The following CDH16 variants were observed in gnomAD, a reference collection of about 807,000 sequenced individuals.
The protein encoded by CDH16 is cadherin-16.
CDH16 carries 79 observed loss-of-function variants against 87.6 expected under a neutral mutation model. The ratio of observed to expected loss-of-function variants is 0.90; its 90% CI spans 0.75 to 1.09. The LOEUF (loss-of-function observed/expected upper bound fraction) is 1.09. Ranked by LOEUF, CDH16 falls within the 50% of genes least tolerant of loss-of-function variation. The probability of loss-of-function intolerance (pLI) is 0.00; values close to 1 mark genes in which losing one functional copy is unlikely to be tolerated. For synonymous variants in CDH16, 457 were observed against 439.5 expected, an observed-to-expected ratio of 1.04 and a Z score of -0.50; for missense variants, 1,124 against 1,071.7, an observed-to-expected ratio of 1.05 and a Z score of -0.68.
At position 66,913,566 on chromosome 16, in the gene CDH16, G is replaced by C; in HGVS notation, c.828C>G (p.Pro276=). Residue 276 remains proline (P), a synonymous_variant, in exon 8 of 18, where the codon CCC becomes CCG. Transcript: ENST00000299752. Reference sequence around the variant, plus strand: ...CTGCATTCACTTCAAAGGGTCCCGGGGGATGGCTCTCCAGGTGATAGTGCA... The same window carrying C: ...CTGCATTCACTTCAAAGGGTCCCGGCGGATGGCTCTCCAGGTGATAGTGCA... ...GDVHYHLESH[P]PGPFEVNAEG... is the part of the protein sequence containing the mutation. 6.2e-7 allele frequency: 1 copy of C among 1,614,140 alleles called. No homozygotes were observed.
chr16:66,908,532 G>A (rs369010970), intron 17 of CDH16, 43 bp from the exon 18 acceptor site: 12 of 1,467,642 alleles, frequency 8.2e-6, no homozygotes, highest in African/African-American at 7.0e-5. Flanking sequence ...AGAAGGGGCT[G>A]TGGGACTTGT....
In CDH16 at chr16:66,909,344, C is replaced by A. The variant is rs371696621; in HGVS notation, c.2315G>T (p.Arg772Leu). Residue 772 changes from arginine (R) to leucine (L), a missense_variant, in exon 17 of 18, where the codon CGC becomes CTC. Coordinates refer to ENST00000299752, the MANE Select transcript of CDH16 (RefSeq NM_004062.4). The surrounding 1 kb of genome is among the most constrained non-coding windows in gnomAD (Gnocchi z 4.1). ...CATGCCCTTCATGCGGCCCACCTTG[C>A]GCATGCACTGCCCCTCCACGTTGCA... ...CRCNVEGQCM[R>L]KVGRMKGMPT... 4 of 1,612,198 alleles carry A rather than the reference C, an allele frequency of 2.5e-6. No individual in the cohort carries two copies. The highest frequency in any genetic ancestry group is 1.7e-5 in the Admixed American group (1 of 59,974).
chr16:66,917,277 C>T (rs1337705371), intron 3 of CDH16, among the ~76,000 whole-genome samples: 1 of 151,772 alleles, frequency 6.6e-6, no homozygotes, highest in Non-Finnish European at 1.5e-5. Flanking sequence ...CCAGCCTGGG[C>T]GACAAGAGCG....
At chr16:66,917,796 C>G in intron 2 of CDH16, 71 bp from the exon 3 acceptor site, 2 of 1,350,474 alleles carry the variant, frequency 1.5e-6, no homozygotes, top group Non-Finnish European at 2.1e-6. Flanking sequence ...AACAGAAGAG[C>G]GGAATTTCCG....
chr16:66,910,500 C>T lies in CDH16; in HGVS notation c.1927G>A (p.Glu643Lys). The change falls in exon 15 of 18, where the codon GAG (glutamate) becomes AAG (lysine). Residue 643 changes from glutamate to lysine, a missense_variant and splice_region_variant. Coordinates refer to ENST00000299752, the MANE Select transcript of CDH16 (RefSeq NM_004062.4). The part of the protein sequence containing the change: ...TVLVEAQDTD[E>K]PRLSASAPLV... ...GGTGCAGAAGCGCTCAGTCTCGGCT[C>T]ATCTGCAGAGGAGGCAGTGCTGAGC... 2 of 1,515,724 alleles carry T rather than the reference C, an allele frequency of 1.3e-6. No homozygotes were observed. Among genetic ancestry groups the T allele is most frequent in the Non-Finnish European group, 8.9e-7 (1 of 1,127,328 alleles). 93.9% of individuals were successfully genotyped at this position (1,515,724 alleles called of 1,614,324 possible). A position where few individuals can be genotyped will look rare whatever the true frequency, so the allele number is the denominator to read the frequency against.
At position 66,916,440 on chromosome 16, in the gene CDH16, T is replaced by C; in HGVS notation, c.130-11A>G. ...ACGGGGCAGCGGCAACTGATGGAAA[T>C]GAACAGAAGTGAAGGGAGCGGTGGC... is the stretch of plus-strand genomic sequence containing the variant. On this transcript the variant is annotated splice_polypyrimidine_tract_variant and intron_variant, in intron 3 of 17. Coordinates refer to ENST00000299752, the MANE Select transcript of CDH16 (RefSeq NM_004062.4). This position sits in a 1 kb window ranked among gnomAD's most constrained non-coding sequence, Gnocchi z 4.1. 1 of 1,586,092 alleles carries C rather than the reference T, an allele frequency of 6.3e-7. No homozygotes were observed. The highest frequency in any genetic ancestry group is 8.6e-7 in the Non-Finnish European group (1 of 1,163,818).
At chr16:66,913,403 C>T in intron 8 of CDH16, 88 bp downstream of exon 8, 2 of 1,592,442 alleles carry the variant, frequency 1.3e-6, no homozygotes, top group Non-Finnish European at 1.7e-6. Flanking sequence ...CTGCCTCAGC[C>T]TCTGTTGTAG....
At position 66,908,489 on chromosome 16, in the gene CDH16, C is replaced by T; in HGVS notation, c.2393G>A (p.Gly798Glu). ...GGTGAAAATGAGGATGAGGAAGATT[C>T]CTGTGGGGCCCAAGAGGGATGTATC... is the stretch of plus-strand genomic sequence containing the variant. ...GILVGTLVAI[G>E]IFLILIFTHW... Residue 798 changes from glycine to glutamate, a missense_variant and splice_region_variant, in exon 18 of 18, where the codon GGA becomes GAA. Gly to Glu is a moderately conservative substitution (Grantham distance 98). Transcript: ENST00000299752. 1.2e-6 allele frequency: 2 copies of T among 1,613,196 alleles called. No homozygotes were observed. The highest frequency in any genetic ancestry group is 1.7e-6 in the Non-Finnish European group (2 of 1,179,196).
In CDH16 at chr16:66,909,264, T is replaced by A; in HGVS notation, c.2392+3A>T. On this transcript the variant is annotated splice_donor_region_variant and intron_variant, in intron 17 of 17. Transcript: ENST00000299752. This position sits in a 1 kb window ranked among gnomAD's most constrained non-coding sequence, Gnocchi z 4.1. ...CACGCAGGTAATGTCCAACCTCCAT[T>A]ACCTATTGCTACCAGGGTGCCTACA... is the stretch of plus-strand genomic sequence containing the variant. 1 of 1,588,160 alleles carries A rather than the reference T, an allele frequency of 6.3e-7. No individual in the cohort carries two copies. Among genetic ancestry groups the A allele is most frequent in the South Asian group, 1.1e-5 (1 of 90,592 alleles).
At chr16:66,917,769 C>A (rs376128212) in intron 2 of CDH16, 44 bp from the exon 3 acceptor site, 1 of 1,513,864 alleles carries the variant, frequency 6.6e-7, no homozygotes, top group African/African-American at 1.4e-5. Flanking sequence ...TATCTTCCTG[C>A]GTGGGCACTG....
chr16:66,916,040 T>C lies in CDH16; in HGVS notation c.424+25A>G, dbSNP rs1596984931. On this transcript the variant is annotated intron_variant, in intron 5 of 17. Transcript: ENST00000299752. This position sits in a 1 kb window ranked among gnomAD's most constrained non-coding sequence, Gnocchi z 4.1. ...CATCAAGGCCCACCTGACCTTACTG[T>C]AAATTGGCTGCCCTGGTCACTCACC... The C allele has an allele frequency of 6.2e-7, 1 of 1,613,726 alleles. No individual in the cohort carries two copies. Among genetic ancestry groups the C allele is most frequent in the Non-Finnish European group, 8.5e-7 (1 of 1,180,004 alleles).
In CDH16 at chr16:66,910,027, A is replaced by T. The variant is rs757259600; in HGVS notation, c.2234T>A (p.Val745Glu). ...CCACATCTGGGCATTGTGGCTGACC[A>T]CCACGGGGATTATGTGTTCACGTGG... ...VEPREHIIPVVVSHNAQMWQL... is the reference protein window; with the variant it reads ...VEPREHIIPVEVSHNAQMWQL... Residue 745 changes from valine (V) to glutamate (E), a missense_variant, in exon 16 of 18, where the codon GTG becomes GAG. Val to Glu is a moderately radical substitution (Grantham distance 121). Transcript: ENST00000299752. 1 of 1,612,464 alleles carries T rather than the reference A, an allele frequency of 6.2e-7. No homozygotes were observed. The highest frequency in any genetic ancestry group is 1.1e-5 in the South Asian group (1 of 90,882).
In CDH16 at chr16:66,914,217, T is replaced by G; in HGVS notation, c.779A>C (p.Gln260Pro). Residue 260 changes from glutamine (Q) to proline (P), a missense_variant and splice_region_variant, in exon 7 of 18, where the codon CAG (glutamine) becomes CCG (proline). Transcript: ENST00000299752. ...AGCCACTGACAGCCACTTACTCACC[T>G]GGGCCATGTGGTGCGGGTATAGGAC... ...LKVLYPHHMA[Q>P]VHWSGGDVHY... The G allele has an allele frequency of 6.2e-7, 1 of 1,611,740 alleles. No individual in the cohort carries two copies. Among genetic ancestry groups the G allele is most frequent in the Non-Finnish European group, 8.5e-7 (1 of 1,178,026 alleles).
Position 66,912,038 on chromosome 16 carries a change from C to T in CDH16, c.1651G>A (p.Val551Met), listed in dbSNP as rs748947292. The change falls in exon 13 of 18, where the codon GTG becomes ATG. Residue 551 changes from valine to methionine, a missense_variant. Transcript: ENST00000299752. ...PGPGPGATAT[V>M]TVLVERVMPP... is the part of the protein sequence containing the mutation. ...ATCACTCTCTCCACTAGCACAGTCA[C>T]CGTGGCGGTGGCTCCAGGGCCTGGG... The T allele has an allele frequency of 6.2e-6, 10 of 1,614,020 alleles. No individual in the cohort carries two copies. In the African/African-American group the frequency reaches 6.7e-5, roughly 11 times the overall value.
rs964687355 is a variant in CDH16, at chr16:66,912,420, A to T, written c.1370T>A (p.Ile457Lys). 6.2e-7 allele frequency: 1 copy of T among 1,614,060 alleles called. No individual in the cohort carries two copies. Among genetic ancestry groups the T allele is most frequent in the Non-Finnish European group, 8.5e-7 (1 of 1,179,900 alleles). ...PEFITSQIGP[I>K]SLPEDVEPGT... ...GGGCTCCACATCCTCAGGGAGGCTT[A>T]TAGGCCCAATCTGGAGGAGGAGGAG... The change falls in exon 12 of 18, where the codon ATA (isoleucine) becomes AAA (lysine). Residue 457 changes from isoleucine (I) to lysine (K), a missense_variant. Transcript: ENST00000299752.
At position 66,913,232 on chromosome 16, in the gene CDH16, G is replaced by A. The variant is rs781470851; in HGVS notation, c.953C>T (p.Ala318Val). The A allele has an allele frequency of 3.2e-6, 5 of 1,586,130 alleles. No individual in the cohort carries two copies. The highest frequency in any genetic ancestry group is 1.7e-4 in the Middle Eastern group (1 of 5,880). ...AQNSHGEDYA[A>V]PLELHVLVMD... ...CACCAGCACGTGCAGCTCCAGAGGG[G>A]CCGCATAGTCCTCGCCATGGGAATT... is the stretch of plus-strand genomic sequence containing the variant. The change falls in exon 9 of 18, where the codon GCC (alanine) becomes GTC (valine). Residue 318 changes from alanine to valine, a missense_variant. Ala to Val is a moderately conservative substitution (Grantham distance 64, BLOSUM62 0). Transcript: ENST00000299752.
rs937897364 is a variant in CDH16, at chr16:66,909,795, C to CA, written c.2275+190dup. Among the ~76,000 whole-genome samples the CA allele has an allele frequency of 1.2e-4, 18 of 151,214 alleles. No individual in the cohort carries two copies. Among genetic ancestry groups the CA allele is most frequent in the African/African-American group, 2.7e-4 (11 of 41,268 alleles). On this transcript the variant is annotated intron_variant, in intron 16 of 17. Transcript: ENST00000299752. This position sits in a 1 kb window ranked among gnomAD's most constrained non-coding sequence, Gnocchi z 4.1. ...TGGGTGACAGAGTGAGACTCTGTCT[C>CA]AAAAAAAAATGTATGTGCCTCTGTG...
At position 66,910,267 on chromosome 16, in the gene CDH16, A is replaced by T. The variant is rs753272348; in HGVS notation, c.2160T>A (p.Thr720=). Residue 720 remains threonine, a synonymous_variant, in exon 15 of 18, where the codon ACT becomes ACA. Coordinates refer to ENST00000299752, the MANE Select transcript of CDH16 (RefSeq NM_004062.4). ...CCTTTCCCCACCACACACCATTGAGAGTCTGGAGGCGCCAATCCCGTTGCA... is the reference window on the plus strand; with the variant it reads ...CCTTTCCCCACCACACACCATTGAGTGTCTGGAGGCGCCAATCCCGTTGCA... ...PTVQRDWRLQ[T]LNGSHAYLTL... 3.8e-6 allele frequency: 6 copies of T among 1,597,210 alleles called. No individual in the cohort carries two copies. In the South Asian group the frequency reaches 6.8e-5, roughly 18 times the overall value.
At chr16:66,915,166 C>T in intron 6 of CDH16, 54 bp downstream of exon 6, 1 of 1,516,042 alleles carries the variant, frequency 6.6e-7, no homozygotes, top group Non-Finnish European at 8.9e-7. Context: ...TCAGATACCA[C>T]CTTCTCCAGC....
Sources: gnomAD v4.1 joint callset for allele counts (sites outside exome capture counted in the v4.1 genomes callset) on GRCh38, gnomAD v4.1.1 for gene constraint, Gnocchi (gnomAD v3.1) non-coding constraint, MANE v1.5 for transcripts, NCBI Gene and HGNC (gene_info 2026-07-23, HGNC 2026-07-21) for gene names.